NECAB1: variants seen among roughly 807,000 people sequenced by gnomAD.
NECAB1 encodes the protein N-terminal EF-hand calcium-binding protein 1.
A neutral mutation model predicts 57.5 loss-of-function variants in NECAB1; 29 were observed. The ratio of observed to expected loss-of-function variants is 0.50; its 90% confidence interval spans 0.38 to 0.69. The LOEUF is 0.69. Among genes scored for constraint, NECAB1 ranks in the 30% least tolerant of loss-of-function variants. The pLI, the probability that NECAB1 is intolerant of heterozygous loss-of-function variation, is 0.00. For synonymous variants in NECAB1, 142 were observed against 147.7 expected, an observed-to-expected ratio of 0.96 and a Z score of 0.28; for missense variants, 372 against 413.8, an observed-to-expected ratio of 0.90 and a Z score of 0.88.
rs1025504569 is a variant in NECAB1 at position 90,847,406 on chromosome 8, T to C, written c.233+22581T>C. 2.0e-4 allele frequency among the ~76,000 whole-genome samples: 31 copies of C among 152,230 alleles called. 3 individuals carry two copies. On this transcript the variant is annotated intron_variant, in intron 3 of 12. Transcript: ENST00000417640. ...CCCCCTCCCAGCTGCCTTCAGGGGC[T>C]GGCATTGTCTGTAGCTTTTCCAGGT...
intron 5 of NECAB1, among the ~76,000 whole-genome samples, chr8:90,914,297 G>A (rs1188768094): frequency 1.2e-4 from 19 of 152,096 alleles, no homozygotes; most frequent in Admixed American, 1.2e-3. Context: ...TCCTAGGTAG[G>A]GAAGAAATGT....
At chr8:90,792,721 G>T (rs1032173171) in intron 1 of NECAB1, among the ~76,000 whole-genome samples, 12 of 152,052 alleles carry the variant, frequency 7.9e-5, no homozygotes, top group Admixed American at 7.2e-4. Context: ...CTTCTGTGCT[G>T]TTTCTTTTTC....
chr8:90,932,533 T>A (rs1402203608), intron 8 of NECAB1, among the ~76,000 whole-genome samples: 1 of 152,172 alleles, frequency 6.6e-6, no homozygotes, highest in African/African-American at 2.4e-5. Context: ...GTCTGGAAGT[T>A]CTCTCTAATA....
chr8:90,933,450 AT>A (rs1810457280), intron 8 of NECAB1, among the ~76,000 whole-genome samples: 1 of 152,184 alleles, frequency 6.6e-6, no homozygotes, highest in Non-Finnish European at 1.5e-5. Context: ...ACTGGAGACT[AT>A]TATTCCAAGT....
intron 5 of NECAB1, among the ~76,000 whole-genome samples, chr8:90,915,214 A>C (rs936805161): frequency 6.6e-6 from 1 of 152,106 alleles, no homozygotes; most frequent in African/African-American, 2.4e-5. Context: ...CATTTTAATA[A>C]ATTTTATTTT....
chr8:90,916,721 G>A (rs575374646), intron 5 of NECAB1, among the ~76,000 whole-genome samples: 2 of 152,158 alleles, frequency 1.3e-5, no homozygotes, highest in African/African-American at 4.8e-5. Context: ...GAGACTTTAG[G>A]GAGACAAGCA....
intron 10 of NECAB1, among the ~76,000 whole-genome samples, chr8:90,942,212 T>G (rs1247925245): frequency 1.3e-5 from 2 of 152,226 alleles, no homozygotes; most frequent in African/African-American, 4.8e-5. Context: ...GCTCATGAGA[T>G]GGTTGGGAGG....
At chr8:90,917,695 G>A (rs1809989408) in intron 6 of NECAB1, 67 bp downstream of exon 6, 1 of 1,452,274 alleles carries the variant, frequency 6.9e-7, no homozygotes, top group Non-Finnish European at 9.2e-7. Context: ...CAATTGAGAG[G>A]CATTGTACTT....
chr8:90,805,990 T>A (rs950555658), intron 2 of NECAB1, among the ~76,000 whole-genome samples: 3 of 152,158 alleles, frequency 2.0e-5, no homozygotes, highest in Non-Finnish European at 4.4e-5. Context: ...CTTCTACGAG[T>A]TCAACTTTTT....
At chr8:90,951,276 AT>A (rs1241450607) in intron 12 of NECAB1, 72 bp downstream of exon 12, 1 of 833,696 alleles carries the variant, frequency 1.2e-6, no homozygotes, top group African/African-American at 1.8e-5. Flanking sequence ...AAAAGATAGT[AT>A]GCTCTTTCCT....
chr8:90,864,691 C>T (rs1808475907), intron 3 of NECAB1, among the ~76,000 whole-genome samples: 1 of 152,176 alleles, frequency 6.6e-6, no homozygotes, highest in Middle Eastern at 3.4e-3. Flanking sequence ...CCTTCTCCTA[C>T]CCCTCTCTCC....
intron 12 of NECAB1, among the ~76,000 whole-genome samples, chr8:90,955,115 TA>T (rs1563548989): frequency 7.9e-4 from 55 of 69,614 alleles, no homozygotes; most frequent in Non-Finnish European, 9.3e-4. Flanking sequence ...ATATAAATTA[TA>T]TATATATATA....
chr8:90,902,317 G>A (rs943733841), intron 5 of NECAB1, among the ~76,000 whole-genome samples: 1 of 152,198 alleles, frequency 6.6e-6, no homozygotes, highest in Admixed American at 6.5e-5. Flanking sequence ...CTATTCGGGT[G>A]GCTGAGGTAG....
chr8:90,869,020 C>G (rs1300240485), intron 3 of NECAB1, among the ~76,000 whole-genome samples: 1 of 152,196 alleles, frequency 6.6e-6, no homozygotes, highest in Non-Finnish European at 1.5e-5. Context: ...GCATCTTGGC[C>G]GCAGCTGCTC....
chr8:90,908,006 AAAGC>A (rs1446775306), intron 5 of NECAB1, among the ~76,000 whole-genome samples: 1 of 152,200 alleles, frequency 6.6e-6, no homozygotes, highest in Non-Finnish European at 1.5e-5. Flanking sequence ...GTTTAGATCA[AAAGC>A]AAGGATAATT....
Position 90,828,131 on chromosome 8 carries a change from G to GTT in NECAB1, c.233+3318_233+3319dup, listed in dbSNP as rs397961666. Among the ~76,000 whole-genome samples, 1,314 of 143,420 alleles carry GTT rather than the reference G, an allele frequency of 9.2e-3. 18 individuals are homozygous for GTT. The highest frequency in any genetic ancestry group is 0.027 in the African/African-American group (1,067 of 39,334). 94.1% of individuals were successfully genotyped at this position (143,420 alleles called of 152,430 possible). A position where few individuals can be genotyped will look rare whatever the true frequency, so the allele number is the denominator to read the frequency against. ...ATTTCCTTAAGAGTAGTTCACTGCA[G>GTT]TTTTTTTTTTTTTCTTTTGTATGCC... On this transcript the variant is annotated intron_variant, in intron 3 of 12. Transcript: ENST00000417640.
At chr8:90,911,841 T>C (rs1400096432) in intron 5 of NECAB1, among the ~76,000 whole-genome samples, 1 of 152,160 alleles carries the variant, frequency 6.6e-6, no homozygotes, top group Non-Finnish European at 1.5e-5. Flanking sequence ...AATGGGTTAA[T>C]AGCAATAATG....
In NECAB1 at chr8:90,938,254, T is replaced by C. The variant is rs551893018; in HGVS notation, c.748-2532T>C. On this transcript the variant is annotated intron_variant, in intron 9 of 12. Transcript: ENST00000417640. ...CCAAGACATTCCAAATATCCAGCCATACTTCTATTGCAACAAAATTTCTAT... is the reference window on the plus strand; with the variant it reads ...CCAAGACATTCCAAATATCCAGCCACACTTCTATTGCAACAAAATTTCTAT... Among the ~76,000 whole-genome samples, 6 of 152,318 alleles carry C rather than the reference T, an allele frequency of 3.9e-5. No individual in the cohort carries two copies. The South Asian group carries it at 1.2e-3, about 32-fold the overall frequency.
intron 5 of NECAB1, among the ~76,000 whole-genome samples, chr8:90,916,908 G>A (rs1391789359): frequency 6.6e-6 from 1 of 152,158 alleles, no homozygotes; most frequent in African/African-American, 2.4e-5. Flanking sequence ...TAAAGTTACT[G>A]AAGGAAAGAC....
Sources: allele counts gnomAD v4.1 joint callset (sites outside exome capture counted in the v4.1 genomes callset), GRCh38; gene constraint gnomAD v4.1.1; transcripts MANE v1.5; gene names NCBI Gene and HGNC (gene_info 2026-07-23, HGNC 2026-07-21).